SLC5A12: variants seen among roughly 807,000 people sequenced by gnomAD.
The protein encoded by SLC5A12 is sodium-coupled monocarboxylate transporter 2.
Under a neutral mutation model 72.7 loss-of-function variants are expected in SLC5A12, and 46 were observed. The ratio of observed to expected loss-of-function variants is 0.63; its 90% CI spans 0.50 to 0.81. The LOEUF (loss-of-function observed/expected upper bound fraction) is 0.81, where lower values mean the gene tolerates loss of function less well. Among genes scored for constraint, SLC5A12 ranks in the 30% least tolerant of loss-of-function variants. SLC5A12 has a pLI of 0.00. For missense variants in SLC5A12, 683 were observed against 740.7 expected (o/e 0.92, Z 0.90); for synonymous variants, 275 against 264.4 (o/e 1.04, Z -0.39).
chr11:26,708,491 A>T (rs1376896323), intron 4 of SLC5A12, among the ~76,000 whole-genome samples: 1 of 152,152 alleles, frequency 6.6e-6, no homozygotes, highest in East Asian at 1.9e-4. Flanking sequence ...GATGTTACAA[A>T]GACTAGGTGA....
intron 12 of SLC5A12, 63 bp downstream of exon 12, chr11:26,680,992 C>A: frequency 5.8e-6 from 8 of 1,381,810 alleles, no homozygotes; most frequent in Non-Finnish European, 6.8e-6. Flanking sequence ...CTGAAGAGTG[C>A]ACCTCCCTCT....
chr11:26,683,608 G>T (rs2133149661), intron 11 of SLC5A12, 149 bp downstream of exon 11: 1 of 571,570 alleles, frequency 1.7e-6, no homozygotes. Flanking sequence ...TGAAGTCAGA[G>T]ACAGGTAGAC....
At position 26,667,905 on chromosome 11, in the gene SLC5A12, T is replaced by C. The variant is rs1466206166; in HGVS notation, c.*3197A>G. On this transcript the variant is annotated 3_prime_UTR_variant, in exon 15 of 15. Coordinates refer to ENST00000396005, the MANE Select transcript of SLC5A12 (RefSeq NM_178498.4). ...TCTTAAAAATCCTGAAGAGAAATAA[T>C]GAAACCATTTAAGTTAACATGTACA... The C allele has an allele frequency of 6.6e-6, 1 of 152,022 alleles. No homozygotes were observed. The highest frequency in any genetic ancestry group is 6.6e-5 in the Admixed American group (1 of 15,218). 9.4% of individuals were successfully genotyped at this position (152,022 alleles called of 1,614,324 possible).
chr11:26,667,576 G>A lies in SLC5A12; in HGVS notation c.*3526C>T, dbSNP rs1021745100. The A allele has an allele frequency of 1.3e-5, 2 of 151,838 alleles. No individual in the cohort carries two copies. The highest frequency in any genetic ancestry group is 4.8e-5 in the African/African-American group (2 of 41,390). 9.4% of individuals were successfully genotyped at this position (151,838 alleles called of 1,614,324 possible). The stretch of plus-strand genomic sequence containing the variant: ...GAGAGTCATAGTTGCTTTGAACTGT[G>A]CAATGAGTAATAAACTTGGGTTGAG... On this transcript the variant is annotated 3_prime_UTR_variant, in exon 15 of 15. Coordinates refer to ENST00000396005, the MANE Select transcript of SLC5A12 (RefSeq NM_178498.4).
At chr11:26,692,714 A>G in intron 8 of SLC5A12, 113 bp from the exon 9 acceptor site, 1 of 645,324 alleles carries the variant, frequency 1.5e-6, no homozygotes, top group Non-Finnish European at 2.8e-6. Context: ...AAACAGATGC[A>G]GATATATCTC....
intron 8 of SLC5A12, among the ~76,000 whole-genome samples, chr11:26,694,477 C>T (rs935910184): frequency 1.3e-5 from 2 of 152,094 alleles, no homozygotes; most frequent in Non-Finnish European, 2.9e-5. Flanking sequence ...CAGAGTGTGA[C>T]CCTTACTGGT....
chr11:26,683,793 G>T lies in SLC5A12; in HGVS notation c.1272C>A (p.Phe424Leu). The change falls in exon 11 of 15, where the codon TTC (phenylalanine) becomes TTA (leucine). Residue 424 changes from phenylalanine (F) to leucine (L), a missense_variant. Coordinates refer to ENST00000396005, the MANE Select transcript of SLC5A12 (RefSeq NM_178498.4). ...GMCGGPMLGL[F>L]SLGIVFPFVN... ...CAAAAGGGAACACGATTCCCAGGGA[G>T]AATAAGCCCAGCATTGGTCCTCCAC... 8 of 1,598,046 alleles carry T rather than the reference G, an allele frequency of 5.0e-6. No homozygotes were observed. The highest frequency in any genetic ancestry group is 1.1e-5 in the South Asian group (1 of 87,906).
rs1293909770 is a variant in SLC5A12 at position 26,673,282 on chromosome 11, T to C, written c.1707+120A>G. The C allele has an allele frequency of 4.3e-6, 5 of 1,155,532 alleles. No individual in the cohort carries two copies. In the African/African-American group the frequency reaches 7.9e-5, roughly 18 times the overall value. 71.6% of individuals were successfully genotyped at this position (1,155,532 alleles called of 1,614,324 possible). A position where few individuals can be genotyped will look rare whatever the true frequency, so the allele number is the denominator to read the frequency against. ...CTCTGAAGCTGAAACTCAAATTCCT[T>C]CAAGTTCTCACACTCACTGCTTTCC... On this transcript the variant is annotated intron_variant, in intron 14 of 14. Transcript: ENST00000396005.
intron 6 of SLC5A12, among the ~76,000 whole-genome samples, chr11:26,699,456 T>A (rs572068035): frequency 2.0e-5 from 3 of 152,244 alleles, no homozygotes; most frequent in Non-Finnish European, 4.4e-5. Flanking sequence ...TCCACATTTA[T>A]AAGGCAAATA....
intron 14 of SLC5A12, 118 bp from the exon 15 acceptor site, chr11:26,671,369 A>G: frequency 2.7e-6 from 2 of 749,758 alleles, no homozygotes; most frequent in Non-Finnish European, 2.1e-6. Flanking sequence ...CAAAAGAAGC[A>G]TAAACAACTC....
intron 6 of SLC5A12, 96 bp downstream of exon 6, chr11:26,703,435 C>T: frequency 7.6e-7 from 1 of 1,317,824 alleles, no homozygotes; most frequent in Non-Finnish European, 1.0e-6. Context: ...TACACACACA[C>T]ACACACACAC....
At chr11:26,718,322 T>C (rs1855398485) in intron 1 of SLC5A12, among the ~76,000 whole-genome samples, 1 of 152,236 alleles carries the variant, frequency 6.6e-6, no homozygotes, top group African/African-American at 2.4e-5. Flanking sequence ...TTGAGATAGA[T>C]GTTTTTATTA....
chr11:26,698,051 C>T (rs987925958), intron 7 of SLC5A12, among the ~76,000 whole-genome samples: 4 of 152,004 alleles, frequency 2.6e-5, no homozygotes, highest in Non-Finnish European at 4.4e-5. Context: ...GTGCCCGCCA[C>T]CTTGCCTGGC....
rs1855213953 is a variant in SLC5A12 at position 26,711,022 on chromosome 11, G to T, written c.457+285C>A. Among the ~76,000 whole-genome samples the T allele has an allele frequency of 2.6e-5, 4 of 152,070 alleles. No homozygotes were observed. The South Asian group carries it at 8.3e-4, about 32-fold the overall frequency. ...TAGCAACATATACAATACCGAAACT[G>T]CCATAATTCCAATGATTTAAAAATA... On this transcript the variant is annotated intron_variant, in intron 3 of 14. Coordinates refer to ENST00000396005, the MANE Select transcript of SLC5A12 (RefSeq NM_178498.4).
intron 12 of SLC5A12, among the ~76,000 whole-genome samples, chr11:26,679,115 C>T (rs993943445): frequency 5.3e-5 from 8 of 151,650 alleles, no homozygotes; most frequent in African/African-American, 1.9e-4. Context: ...TTTATTAAGC[C>T]CAGATTTAGT....
At chr11:26,692,217 C>T (rs754688596) in intron 9 of SLC5A12, 71 of 268,878 alleles carry the variant, frequency 2.6e-4, no homozygotes, top group Non-Finnish European at 4.2e-4. Context: ...ATGCGGCCCA[C>T]AGGCCGTGGG....
chr11:26,685,271 C>A (rs1854501318), intron 10 of SLC5A12, among the ~76,000 whole-genome samples: 1 of 152,146 alleles, frequency 6.6e-6, no homozygotes, highest in Non-Finnish European at 1.5e-5. Context: ...CTCATATCTT[C>A]ATTTGAAAAA....
chr11:26,709,101 G>A (rs1337826876), intron 4 of SLC5A12: 8 of 410,284 alleles, frequency 1.9e-5, no homozygotes, highest in Non-Finnish European at 3.0e-5. Flanking sequence ...TCTTGAATGA[G>A]TGCAGAGATT....
At chr11:26,676,473 C>A (rs1275597285) in intron 13 of SLC5A12, among the ~76,000 whole-genome samples, 1 of 151,498 alleles carries the variant, frequency 6.6e-6, no homozygotes, top group Non-Finnish European at 1.5e-5. Flanking sequence ...ATATCTGAGA[C>A]ATGCAGCTTT....
Sources: allele counts gnomAD v4.1 joint callset (sites outside exome capture counted in the v4.1 genomes callset), GRCh38; gene constraint gnomAD v4.1.1; transcripts MANE v1.5; gene names NCBI Gene and HGNC (gene_info 2026-07-23, HGNC 2026-07-21).